Variants in FAM13C observed in about 807,000 individuals in gnomAD.
The protein encoded by FAM13C is family with sequence similarity 13 member C, also known as protein FAM13C.
Under a neutral mutation model 73.2 loss-of-function variants are expected in FAM13C, and 37 were observed. That is an observed-to-expected ratio of 0.51 (90% CI 0.39 to 0.67). The LOEUF (loss-of-function observed/expected upper bound fraction) is 0.67. FAM13C is among the 30% of genes least tolerant of loss of function. The pLI is 0.00. For synonymous variants in FAM13C, 246 were observed against 260.9 expected, an observed-to-expected ratio of 0.94 and a Z score of 0.55; for missense variants, 589 against 715.6, an observed-to-expected ratio of 0.82 and a Z score of 2.02.
At chr10:59,335,643 C>T (rs1411453861) in intron 3 of FAM13C, among the ~76,000 whole-genome samples, 1 of 152,198 alleles carries the variant, frequency 6.6e-6, no homozygotes, top group Non-Finnish European at 1.5e-5. Flanking sequence ...CAGTCCCTAA[C>T]AACAGATGCA....
At chr10:59,294,906 A>C (rs1353511751) in intron 5 of FAM13C, among the ~76,000 whole-genome samples, 1 of 152,226 alleles carries the variant, frequency 6.6e-6, no homozygotes, top group Non-Finnish European at 1.5e-5. Context: ...GCAGAGAGGA[A>C]AATTACCTTG....
intron 6 of FAM13C, among the ~76,000 whole-genome samples, chr10:59,277,648 A>G (rs1287349542): frequency 6.6e-6 from 1 of 152,206 alleles, no homozygotes; most frequent in Non-Finnish European, 1.5e-5. Context: ...ATCAACCACA[A>G]ATCTAGATCT....
chr10:59,305,703 G>T (rs1245707092), intron 4 of FAM13C, among the ~76,000 whole-genome samples: 1 of 152,176 alleles, frequency 6.6e-6, no homozygotes, highest in Non-Finnish European at 1.5e-5. Context: ...GATGGTAATA[G>T]AAGAAAATTG....
At chr10:59,351,725 G>T (rs953296106) in intron 3 of FAM13C, among the ~76,000 whole-genome samples, 1 of 152,208 alleles carries the variant, frequency 6.6e-6, no homozygotes. Flanking sequence ...TCCAGGCGTG[G>T]TGGCTCACGC....
Position 59,315,454 on chromosome 10 carries a change from T to TGG in FAM13C, c.443+8533_443+8534insCC, listed in dbSNP as rs1849420077. On this transcript the variant is annotated intron_variant, in intron 4 of 13. Coordinates refer to ENST00000618804, the MANE Select transcript of FAM13C (RefSeq NM_198215.4). ...TCATGAAATTTAGTGGGGTTTTTTTTGTTTTTGTGTTTTTACAGGGTGATG... is the reference window on the plus strand; with the variant it reads ...TCATGAAATTTAGTGGGGTTTTTTTTGGGTTTTTGTGTTTTTACAGGGTGATG... Among the ~76,000 whole-genome samples the TGG allele has an allele frequency of 4.1e-5, 6 of 145,512 alleles. No homozygotes were observed. The South Asian group carries it at 8.9e-4, about 22-fold the overall frequency.
In FAM13C at chr10:59,293,069, C is replaced by CTAT. The variant is rs1846455526; in HGVS notation, c.508-9623_508-9622insATA. ...TCTGAGATCAACATTTTTTCTTTTT[C>CTAT]TTTTTTTTTTTTTTTTTTTTTTGAG... On this transcript the variant is annotated intron_variant, in intron 5 of 13. Transcript: ENST00000618804. 1.2e-4 allele frequency among the ~76,000 whole-genome samples: 13 copies of CTAT among 109,524 alleles called. No individual in the cohort carries two copies. In the Admixed American group the frequency reaches 1.3e-3, roughly 11 times the overall value. The allele number at this position is 109,524 out of a possible 152,430, so 71.9% of individuals were successfully genotyped here.
intron 5 of FAM13C, among the ~76,000 whole-genome samples, chr10:59,301,938 C>G (rs1847648407): frequency 6.6e-6 from 1 of 152,172 alleles, no homozygotes; most frequent in Admixed American, 6.5e-5. Flanking sequence ...AATAAAATCA[C>G]CTAAATTAAG....
chr10:59,294,119 T>G (rs547168160), intron 5 of FAM13C, among the ~76,000 whole-genome samples: 89 of 152,264 alleles, frequency 5.8e-4, no homozygotes, highest in Admixed American at 1.5e-3. Context: ...GTTCATGGAC[T>G]TTATAAAAAA....
chr10:59,299,945 C>T (rs1324606699), intron 5 of FAM13C, among the ~76,000 whole-genome samples: 2 of 152,066 alleles, frequency 1.3e-5, no homozygotes, highest in Non-Finnish European at 2.9e-5. Flanking sequence ...TATCAAGAGA[C>T]TCAAAGTCAA....
intron 8 of FAM13C, among the ~76,000 whole-genome samples, chr10:59,264,844 C>A (rs1699991709): frequency 6.6e-6 from 1 of 152,080 alleles, no homozygotes; most frequent in Admixed American, 6.6e-5. Context: ...TTAAACAAGT[C>A]AAGGCTACCA....
At position 59,251,732 on chromosome 10, in the gene FAM13C, C is replaced by G; in HGVS notation, c.1533-56G>C. 4.5e-6 allele frequency: 6 copies of G among 1,320,594 alleles called. No individual in the cohort carries two copies. In the South Asian group the frequency reaches 5.7e-5, roughly 12 times the overall value. The allele number at this position is 1,320,594 out of a possible 1,614,324, so 81.8% of individuals were successfully genotyped here. On this transcript the variant is annotated intron_variant, in intron 12 of 13. Transcript: ENST00000618804. ...GGCACTGGCATAATTGAGAGATCATCATGAGCAGATTTATCTGTTCAGCCA... is the reference window on the plus strand; with the variant it reads ...GGCACTGGCATAATTGAGAGATCATGATGAGCAGATTTATCTGTTCAGCCA...
intron 5 of FAM13C, among the ~76,000 whole-genome samples, chr10:59,295,396 A>G (rs1331101882): frequency 6.6e-6 from 1 of 152,220 alleles, no homozygotes; most frequent in Non-Finnish European, 1.5e-5. Context: ...TGGCTCCAAG[A>G]TAAAGGGTGA....
At chr10:59,352,715 T>C (rs1017220449) in intron 2 of FAM13C, among the ~76,000 whole-genome samples, 10 of 152,242 alleles carry the variant, frequency 6.6e-5, no homozygotes, top group Non-Finnish European at 1.2e-4. Flanking sequence ...TAGGTGTAAC[T>C]ATACACATAT....
At chr10:59,358,897 A>AAC (rs1856043660) in intron 1 of FAM13C, among the ~76,000 whole-genome samples, 1 of 152,224 alleles carries the variant, frequency 6.6e-6, no homozygotes, top group Non-Finnish European at 1.5e-5. Flanking sequence ...AGAGCAACTG[A>AAC]AATAGAGCTA....
chr10:59,354,870 T>C (rs548237886), intron 2 of FAM13C, among the ~76,000 whole-genome samples: 1 of 152,100 alleles, frequency 6.6e-6, no homozygotes, highest in East Asian at 1.9e-4. Context: ...TTCCCAGGGT[T>C]CCTACCATCC....
intron 1 of FAM13C, chr10:59,360,945 A>C (rs1554847067): frequency 9.2e-7 from 1 of 1,088,176 alleles, no homozygotes; most frequent in Non-Finnish European, 1.2e-6. Context: ...CTGACCGAGG[A>C]TTTGGCCACA....
chr10:59,325,753 T>C (rs1429564084), intron 3 of FAM13C, among the ~76,000 whole-genome samples: 2 of 152,182 alleles, frequency 1.3e-5, no homozygotes, highest in Non-Finnish European at 2.9e-5. Flanking sequence ...CTACTACTGA[T>C]AACAATATTG....
Position 59,307,170 on chromosome 10 carries a change from A to G in FAM13C, c.444-4306T>C, listed in dbSNP as rs191633902. Among the ~76,000 whole-genome samples the G allele has an allele frequency of 2.5e-4, 38 of 152,244 alleles. No homozygotes were observed. In the East Asian group the frequency reaches 7.0e-3, roughly 28 times the overall value. On this transcript the variant is annotated intron_variant, in intron 4 of 13. Coordinates refer to ENST00000618804, the MANE Select transcript of FAM13C (RefSeq NM_198215.4). ...GCTTGAGGTGAGACTGAAATAGAGA[A>G]GTAAAAATGTCTGGCCAGGGTTCAC...
intron 6 of FAM13C, chr10:59,282,447 A>G (rs1280434160): frequency 6.6e-6 from 1 of 152,150 alleles, no homozygotes. Context: ...TAATTTGGGC[A>G]TATAGTAGGT....
Sources: gnomAD v4.1 joint callset for allele counts (sites outside exome capture counted in the v4.1 genomes callset) on GRCh38, gnomAD v4.1.1 for gene constraint, MANE v1.5 for transcripts, NCBI Gene and HGNC (gene_info 2026-07-23, HGNC 2026-07-21) for gene names.